AAGAB: variants seen among roughly 807,000 people sequenced by gnomAD.
The protein encoded by AAGAB is alpha and gamma adaptin binding protein.
In AAGAB, 38 loss-of-function variants were observed where a neutral mutation model predicts 44.1. The observed-to-expected ratio is 0.86, with a 90% confidence interval of 0.67 to 1.13. The LOEUF (loss-of-function observed/expected upper bound fraction) is 1.13. Ranked by LOEUF, AAGAB falls within the 50% of genes most tolerant of loss-of-function variation. The pLI, the probability that AAGAB is intolerant of heterozygous loss-of-function variation, is 0.00. For missense variants in AAGAB, 450 were observed against 373.8 expected, an observed-to-expected ratio of 1.20 and a Z score of -1.68; for synonymous variants, 131 against 131.8, an observed-to-expected ratio of 0.99 and a Z score of 0.04.
chr15:67,250,844 G>A (rs919152037), intron 1 of AAGAB, among the ~76,000 whole-genome samples: 3 of 152,100 alleles, frequency 2.0e-5, no homozygotes, highest in Admixed American at 6.5e-5. Context: ...GGCTAACACA[G>A]TGAAACCCCG....
At position 67,202,409 on chromosome 15, in the gene AAGAB, C is replaced by T. The variant is rs1047847677; in HGVS notation, c.*412G>A. On this transcript the variant is annotated 3_prime_UTR_variant, in exon 10 of 10. Coordinates refer to ENST00000261880, the MANE Select transcript of AAGAB (RefSeq NM_024666.5). ...CTACAAGCTCCTTGAATGGAGAAAA[C>T]CCAAATCACCCAGGAAAGGTGACAC... 2.2e-4 allele frequency: 36 copies of T among 164,368 alleles called. No homozygotes were observed. Among genetic ancestry groups the T allele is most frequent in the Admixed American group, 1.6e-3 (27 of 16,790 alleles). The allele number at this position is 164,368 out of a possible 1,614,324, so 10.2% of individuals were successfully genotyped here. A position where few individuals can be genotyped will look rare whatever the true frequency, so the allele number is the denominator to read the frequency against.
At position 67,202,630 on chromosome 15, in the gene AAGAB, C is replaced by G. The variant is rs1963593048; in HGVS notation, c.*191G>C. The G allele has an allele frequency of 1.7e-6, 1 of 589,458 alleles. No homozygotes were observed. Among genetic ancestry groups the G allele is most frequent in the Admixed American group, 3.0e-5 (1 of 33,696 alleles). 36.5% of individuals were successfully genotyped at this position (589,458 alleles called of 1,614,324 possible). On this transcript the variant is annotated 3_prime_UTR_variant, in exon 10 of 10. Transcript: ENST00000261880. ...TTACTATCACTGTATTCCTCACTCT[C>G]TTACAATATACTGAGGAAAAAAAAG...
chr15:67,213,169 G>A lies in AAGAB; in HGVS notation c.536-3625C>T, dbSNP rs1240458324. Among the ~76,000 whole-genome samples, 5 of 152,272 alleles carry A rather than the reference G, an allele frequency of 3.3e-5. No individual in the cohort carries two copies. The South Asian group carries it at 1.0e-3, about 32-fold the overall frequency. Reference sequence around the variant, plus strand: ...TTAAACTGTGGTCCTAAAAACATCTGATTCAGTTTTAGTACTCTAGTAAGT... The same window carrying A: ...TTAAACTGTGGTCCTAAAAACATCTAATTCAGTTTTAGTACTCTAGTAAGT... On this transcript the variant is annotated intron_variant, in intron 5 of 9. Transcript: ENST00000261880.
chr15:67,219,014 G>A (rs1031863799), intron 5 of AAGAB, among the ~76,000 whole-genome samples: 1 of 152,144 alleles, frequency 6.6e-6, no homozygotes, highest in East Asian at 1.9e-4. Flanking sequence ...ATGAGAAGTC[G>A]TACCTTTAAT....
intron 1 of AAGAB, among the ~76,000 whole-genome samples, chr15:67,246,155 C>A (rs961622476): frequency 6.6e-6 from 1 of 152,108 alleles, no homozygotes; most frequent in Non-Finnish European, 1.5e-5. Context: ...CCAAGGTGAG[C>A]GGATCAGCTG....
At chr15:67,252,651 GAGGA>G (rs1374443808) in intron 1 of AAGAB, among the ~76,000 whole-genome samples, 2 of 152,068 alleles carry the variant, frequency 1.3e-5, no homozygotes, top group African/African-American at 2.4e-5. Context: ...AAAGAAAAAA[GAGGA>G]AGGAAGGAAG....
rs773409357 is a variant in AAGAB at position 67,207,922 on chromosome 15, A to T, written c.715+640T>A. On this transcript the variant is annotated intron_variant, in intron 7 of 9. Coordinates refer to ENST00000261880, the MANE Select transcript of AAGAB (RefSeq NM_024666.5). ...TTTCTACATGAATTATCTCATAAGA[A>T]AAAAGAGTTTTAAAAATTTATTACT... 4.5e-4 allele frequency among the ~76,000 whole-genome samples: 68 copies of T among 152,370 alleles called. 1 individual carries two copies. The highest frequency in any genetic ancestry group is 7.8e-4 in the Admixed American group (12 of 15,310).
At position 67,202,755 on chromosome 15, in the gene AAGAB, G is replaced by A. The variant is rs1297467323; in HGVS notation, c.*66C>T. 6.5e-7 allele frequency: 1 copy of A among 1,534,804 alleles called. No homozygotes were observed. The highest frequency in any genetic ancestry group is 2.3e-5 in the East Asian group (1 of 44,418). ...GGGCAATTTTGGCAAAATATGACTGGGCTGAGTAGAGAGGTATCTCAGAGA... is the reference window on the plus strand; with the variant it reads ...GGGCAATTTTGGCAAAATATGACTGAGCTGAGTAGAGAGGTATCTCAGAGA... On this transcript the variant is annotated 3_prime_UTR_variant, in exon 10 of 10. Coordinates refer to ENST00000261880, the MANE Select transcript of AAGAB (RefSeq NM_024666.5).
intron 1 of AAGAB, among the ~76,000 whole-genome samples, chr15:67,253,053 A>G (rs951602681): frequency 2.0e-5 from 3 of 152,198 alleles, no homozygotes; most frequent in Non-Finnish European, 2.9e-5. Flanking sequence ...AATGTCTATG[A>G]TTTATCAAAT....
Position 67,231,838 on chromosome 15 carries a change from A to G in AAGAB, c.511T>C (p.Trp171Arg). The change falls in exon 5 of 10, where the codon TGG becomes CGG. Residue 171 changes from tryptophan (W) to arginine (R), a missense_variant. Transcript: ENST00000261880. ...RIVQALNANV[W>R]SNVVMKNDRN... ...CCATTCTTCATCACTACATTGGACC[A>G]CACATTGGCATTCAGGGCTTGGACA... 1 of 1,612,552 alleles carries G rather than the reference A, an allele frequency of 6.2e-7. No individual in the cohort carries two copies. The highest frequency in any genetic ancestry group is 8.5e-7 in the Non-Finnish European group (1 of 1,178,764).
At chr15:67,237,511 T>C (rs1435195642) in intron 1 of AAGAB, among the ~76,000 whole-genome samples, 1 of 152,204 alleles carries the variant, frequency 6.6e-6, no homozygotes, top group Non-Finnish European at 1.5e-5. Context: ...TGGAAATCTA[T>C]GTGCAGCATG....
chr15:67,253,214 C>T lies in AAGAB; in HGVS notation c.73+1345G>A, dbSNP rs1213549643. Among the ~76,000 whole-genome samples the T allele has an allele frequency of 3.4e-5, 5 of 145,428 alleles. No individual in the cohort carries two copies. In the East Asian group the frequency reaches 5.9e-4, roughly 17 times the overall value. ...CAAAGGCAGGCAGATCACTTGAGCC[C>T]GGGAGTTCCAGACCAGCCTGGGCAA... On this transcript the variant is annotated intron_variant, in intron 1 of 9. Transcript: ENST00000261880.
At chr15:67,214,890 T>C (rs960988079) in intron 5 of AAGAB, among the ~76,000 whole-genome samples, 12 of 152,024 alleles carry the variant, frequency 7.9e-5, no homozygotes, top group African/African-American at 2.7e-4. Flanking sequence ...TCTGCCCGCC[T>C]TGGCCTCCCA....
rs187160016 is a variant in AAGAB, at chr15:67,215,420, C to A, written c.536-5876G>T. Reference sequence around the variant, plus strand: ...AATATTAAGAATTTCCATGACCACACCCCCCAACACGCCTAACAGACCTCC... The same window carrying A: ...AATATTAAGAATTTCCATGACCACAACCCCCAACACGCCTAACAGACCTCC... On this transcript the variant is annotated intron_variant, in intron 5 of 9. Coordinates refer to ENST00000261880, the MANE Select transcript of AAGAB (RefSeq NM_024666.5). Among the ~76,000 whole-genome samples, 29 of 152,224 alleles carry A rather than the reference C, an allele frequency of 1.9e-4. No homozygotes were observed. The East Asian group carries it at 5.6e-3, about 29-fold the overall frequency.
chr15:67,254,902 AC>A, upstream of AAGAB: 1 of 1,613,762 alleles, frequency 6.2e-7, no homozygotes, highest in South Asian at 1.1e-5. Flanking sequence ...TAGCCATGGC[AC>A]AGAACACTGA....
At chr15:67,245,906 C>A (rs192926203) in intron 1 of AAGAB, among the ~76,000 whole-genome samples, 1 of 152,192 alleles carries the variant, frequency 6.6e-6, no homozygotes, top group Non-Finnish European at 1.5e-5. Flanking sequence ...ATCAAGATCA[C>A]AGTGTTGTTT....
intron 5 of AAGAB, among the ~76,000 whole-genome samples, chr15:67,225,994 C>T (rs1388802193): frequency 6.6e-6 from 1 of 152,196 alleles, no homozygotes; most frequent in Non-Finnish European, 1.5e-5. Context: ...ACCATCAGTG[C>T]ACAAGGTTTC....
chr15:67,242,013 G>A (rs973983933), intron 1 of AAGAB, among the ~76,000 whole-genome samples: 4 of 152,160 alleles, frequency 2.6e-5, no homozygotes, highest in Non-Finnish European at 4.4e-5. Flanking sequence ...AGAGTCTGAC[G>A]TCAGCTGAAA....
rs564956679 is a variant in AAGAB at position 67,211,587 on chromosome 15, A to C, written c.536-2043T>G. On this transcript the variant is annotated intron_variant, in intron 5 of 9. Transcript: ENST00000261880. Reference sequence around the variant, plus strand: ...CAGACACGGATTTTACCTGTCATTAAGATACATGAGTGCTCTTATAATATA... The same window carrying C: ...CAGACACGGATTTTACCTGTCATTACGATACATGAGTGCTCTTATAATATA... Among the ~76,000 whole-genome samples the C allele has an allele frequency of 4.0e-4, 61 of 152,366 alleles. No homozygotes were observed. The South Asian group carries it at 9.9e-3, about 25-fold the overall frequency.
Sources: allele counts gnomAD v4.1 joint callset (sites outside exome capture counted in the v4.1 genomes callset), GRCh38; gene constraint gnomAD v4.1.1; transcripts MANE v1.5; gene names NCBI Gene and HGNC (gene_info 2026-07-23, HGNC 2026-07-21).